The following DISP1 variants were observed in gnomAD, a reference collection of about 807,000 sequenced individuals.
DISP1 encodes the protein dispatched RND transporter family member 1, also known as protein dispatched homolog 1.
A neutral mutation model predicts 37.3 loss-of-function variants in DISP1; 30 were observed. That is an observed-to-expected ratio of 0.80 (90% CI 0.60 to 1.09). The LOEUF is 1.09. Ranked by LOEUF, DISP1 falls within the 50% of genes least tolerant of loss-of-function variation. The pLI, the probability that DISP1 is intolerant of heterozygous loss-of-function variation, is 0.00. For missense variants in DISP1, 1,598 were observed against 1,879.5 expected (o/e 0.85, Z 2.77); for synonymous variants, 634 against 690.2 (o/e 0.92, Z 1.28).
intron 1 of DISP1, among the ~76,000 whole-genome samples, chr1:222,896,460 G>T (rs1175307497): frequency 6.6e-6 from 1 of 152,094 alleles, no homozygotes; most frequent in Non-Finnish European, 1.5e-5. Context: ...AATTAGCTGG[G>T]TGTGCTGGTG....
At chr1:223,001,802 A>G (rs1679472719) in intron 8 of DISP1, among the ~76,000 whole-genome samples, 1 of 152,178 alleles carries the variant, frequency 6.6e-6, no homozygotes, top group African/African-American at 2.4e-5. Context: ...ACTGGGGATT[A>G]GGTTTCAACT....
chr1:222,868,092 G>A (rs571534112), intron 1 of DISP1, among the ~76,000 whole-genome samples: 68 of 152,038 alleles, frequency 4.5e-4, no homozygotes, highest in Non-Finnish European at 7.8e-4. Context: ...ATTAAGAAAA[G>A]ACTAGATTAG....
chr1:222,896,570 C>T (rs1301930291), intron 1 of DISP1, among the ~76,000 whole-genome samples: 2 of 150,174 alleles, frequency 1.3e-5, no homozygotes, highest in African/African-American at 4.9e-5. Context: ...CATTGCACTT[C>T]AGCCTGGGTG....
Position 223,005,803 on chromosome 1 carries a change from G to A in DISP1, c.4406G>A (p.Gly1469Glu). 6.2e-7 allele frequency: 1 copy of A among 1,614,182 alleles called. No homozygotes were observed. The highest frequency in any genetic ancestry group is 8.5e-7 in the Non-Finnish European group (1 of 1,180,038). The part of the protein sequence containing the change: ...EPKVLFNHLM[G>E]EAGCRSCPNN... Reference sequence around the variant, plus strand: ...AAAGTCCTATTTAATCATTTAATGGGGGAGGCTGGTTGTAGGTCTTGCCCA... The same window carrying A: ...AAAGTCCTATTTAATCATTTAATGGAGGAGGCTGGTTGTAGGTCTTGCCCA... Residue 1469 changes from glycine to glutamate, a missense_variant, in exon 9 of 9, where the codon GGG (glycine) becomes GAG (glutamate). Coordinates refer to ENST00000675850, the MANE Select transcript of DISP1 (RefSeq NM_001377229.1).
intron 1 of DISP1, among the ~76,000 whole-genome samples, chr1:222,863,931 C>T (rs1279260967): frequency 6.6e-6 from 1 of 152,082 alleles, no homozygotes. Context: ...GCCCTGGGGT[C>T]AACTCTTTTT....
chr1:222,846,748 T>G (rs1379451176), intron 1 of DISP1, among the ~76,000 whole-genome samples: 1 of 152,260 alleles, frequency 6.6e-6, no homozygotes, highest in South Asian at 2.1e-4. Context: ...TTGTGATGAA[T>G]GGAGAAGAGT....
At chr1:222,853,172 G>A (rs567220407) in intron 1 of DISP1, among the ~76,000 whole-genome samples, 1 of 152,156 alleles carries the variant, frequency 6.6e-6, no homozygotes, top group African/African-American at 2.4e-5. Flanking sequence ...ATTTTTGGCT[G>A]TTCAGAAAAG....
intron 1 of DISP1, among the ~76,000 whole-genome samples, chr1:222,887,117 G>A (rs1572428228): frequency 6.6e-6 from 1 of 152,182 alleles, no homozygotes; most frequent in South Asian, 2.1e-4. Flanking sequence ...GAAGCTGAAG[G>A]TTCAGTTTCA....
At chr1:222,874,297 A>G (rs543122187) in intron 1 of DISP1, among the ~76,000 whole-genome samples, 76 of 152,016 alleles carry the variant, frequency 5.0e-4, no homozygotes, top group Non-Finnish European at 9.6e-4. Flanking sequence ...CGTTCTCTGT[A>G]TTTCCTGAAT....
intron 3 of DISP1, among the ~76,000 whole-genome samples, chr1:222,958,951 GTT>G (rs35888907): frequency 1.3e-5 from 2 of 149,928 alleles, no homozygotes; most frequent in African/African-American, 4.9e-5. Context: ...AGAATGTTTA[GTT>G]TTTTTTTTAT....
At chr1:222,871,148 A>G (rs1410075063) in intron 1 of DISP1, among the ~76,000 whole-genome samples, 1 of 152,086 alleles carries the variant, frequency 6.6e-6, no homozygotes, top group Non-Finnish European at 1.5e-5. Flanking sequence ...CCATTGGTCT[A>G]TATCTCTGTT....
intron 5 of DISP1, 81 bp downstream of exon 5, chr1:222,990,829 T>TCTGTC: frequency 6.4e-7 from 1 of 1,564,682 alleles, no homozygotes; most frequent in Non-Finnish European, 8.8e-7. Context: ...TTATGTTATT[T>TCTGTC]AGTAACCCAT....
rs71178518 is a variant in DISP1, at chr1:222,969,370, C to CAAAAA, written c.510-13697_510-13693dup. ...GGGCAAAAAGAGTGAAACTTGGTCT[C>CAAAAA]AAAAAAAAAAAAAAAAATTACAAAG... On this transcript the variant is annotated intron_variant, in intron 3 of 8. Coordinates refer to ENST00000675850, the MANE Select transcript of DISP1 (RefSeq NM_001377229.1). 3.7e-4 allele frequency among the ~76,000 whole-genome samples: 11 copies of CAAAAA among 29,874 alleles called. 2 individuals carry two copies. The highest frequency in any genetic ancestry group is 2.0e-3 in the South Asian group (1 of 512). The allele number at this position is 29,874 out of a possible 152,430, so 19.6% of individuals were successfully genotyped here.
intron 1 of DISP1, among the ~76,000 whole-genome samples, chr1:222,861,879 AT>A (rs2125327527): frequency 6.6e-6 from 1 of 152,334 alleles, no homozygotes; most frequent in Non-Finnish European, 1.5e-5. Flanking sequence ...AGGAATGTTT[AT>A]TGTATAACTT....
At chr1:222,961,666 G>T (rs750361284) in intron 3 of DISP1, among the ~76,000 whole-genome samples, 6 of 152,192 alleles carry the variant, frequency 3.9e-5, no homozygotes, top group Admixed American at 2.0e-4. Flanking sequence ...TAGGAAGAGA[G>T]GAAGTCAAAT....
At chr1:222,827,973 T>C (rs993148370) in intron 1 of DISP1, among the ~76,000 whole-genome samples, 2 of 152,200 alleles carry the variant, frequency 1.3e-5, no homozygotes, top group African/African-American at 2.4e-5. Flanking sequence ...TCCTCACTGG[T>C]TGAGCATACT....
At chr1:222,816,152 CT>C (rs1661197805) in intron 1 of DISP1, among the ~76,000 whole-genome samples, 1 of 150,580 alleles carries the variant, frequency 6.6e-6, no homozygotes, top group Non-Finnish European at 1.5e-5. Flanking sequence ...AACCCAAGAT[CT>C]GTTGTTACAC....
intron 2 of DISP1, among the ~76,000 whole-genome samples, chr1:222,934,490 T>C (rs1230879362): frequency 1.4e-4 from 22 of 152,132 alleles, no homozygotes; most frequent in Admixed American, 1.4e-3. Context: ...CATTTATTTC[T>C]CTGGCCATAA....
At position 223,003,053 on chromosome 1, in the gene DISP1, C is replaced by G. The variant is rs753258388; in HGVS notation, c.1656C>G (p.Phe552Leu). ...SYFLYRVVFH[F>L]EFFPFMNLTA... The stretch of plus-strand genomic sequence containing the variant: ...TTCTCTATCGTGTAGTATTTCACTT[C>G]GAATTTTTTCCTTTTATGAACCTCA... Residue 552 changes from phenylalanine (F) to leucine (L), a missense_variant, in exon 9 of 9, where the codon TTC (phenylalanine) becomes TTG (leucine). Transcript: ENST00000675850. The surrounding 1 kb of genome is among the most constrained non-coding windows in gnomAD (Gnocchi z 4.3). 2.5e-6 allele frequency: 4 copies of G among 1,614,054 alleles called. No individual in the cohort carries two copies. The South Asian group carries it at 4.4e-5, about 18-fold the overall frequency.
Sources: allele counts gnomAD v4.1 joint callset (sites outside exome capture counted in the v4.1 genomes callset), GRCh38; gene constraint gnomAD v4.1.1; non-coding constraint Gnocchi (gnomAD v3.1); transcripts MANE v1.5; gene names NCBI Gene and HGNC (gene_info 2026-07-23, HGNC 2026-07-21).